USO1: variants seen among roughly 807,000 people sequenced by gnomAD.
USO1 encodes USO1 vesicle transport factor, also known as general vesicular transport factor p115.
In USO1, 57 loss-of-function variants were observed where a neutral mutation model predicts 124.5. The observed-to-expected ratio is 0.46, with a 90% CI of 0.37 to 0.57. The LOEUF (loss-of-function observed/expected upper bound fraction) is 0.57. Ranked by LOEUF, USO1 falls within the 20% of genes least tolerant of loss-of-function variation. The pLI, the probability that USO1 is intolerant of heterozygous loss-of-function variation, is 0.00. For synonymous variants in USO1, 369 were observed against 362.8 expected, an observed-to-expected ratio of 1.02 and a Z score of -0.19; for missense variants, 900 against 1,040.6, an observed-to-expected ratio of 0.86 and a Z score of 1.86.
At chr4:75,801,942 C>T (rs1186984155) in intron 17 of USO1, among the ~76,000 whole-genome samples, 1 of 152,230 alleles carries the variant, frequency 6.6e-6, no homozygotes. Flanking sequence ...GCCTCAGCCT[C>T]GCAAGTAGCT....
intron 1 of USO1, among the ~76,000 whole-genome samples, chr4:75,727,512 T>A (rs1353845415): frequency 2.0e-5 from 3 of 152,226 alleles, no homozygotes; most frequent in African/African-American, 7.2e-5. Flanking sequence ...AAAATTTGTT[T>A]CACTATTTCG....
chr4:75,807,365 G>T, intron 20 of USO1, among the ~76,000 whole-genome samples: 1 of 150,170 alleles, frequency 6.7e-6, no homozygotes, highest in Non-Finnish European at 1.5e-5. Flanking sequence ...TAAAAGAAAT[G>T]CATACTTTTT....
intron 1 of USO1, among the ~76,000 whole-genome samples, chr4:75,730,675 T>C (rs1428509297): frequency 6.6e-6 from 1 of 152,208 alleles, no homozygotes; most frequent in Non-Finnish European, 1.5e-5. Context: ...TATTTACCTT[T>C]TATTATTAAT....
chr4:75,737,542 A>G (rs962512751), intron 1 of USO1, among the ~76,000 whole-genome samples: 1 of 27,338 alleles, frequency 3.7e-5, no homozygotes, highest in African/African-American at 4.8e-4. Flanking sequence ...AAAAGATACA[A>G]ATTTGAGCTG....
chr4:75,749,233 G>A (rs1560439677), intron 1 of USO1, among the ~76,000 whole-genome samples: 2 of 151,944 alleles, frequency 1.3e-5, no homozygotes, highest in African/African-American at 4.8e-5. Flanking sequence ...GTGATCGTAG[G>A]GAATCTATTA....
rs192871915 is a variant in USO1, at chr4:75,777,703, G to A, written c.676+2907G>A. 1.4e-3 allele frequency among the ~76,000 whole-genome samples: 207 copies of A among 152,288 alleles called. 1 individual carries two copies. The highest frequency in any genetic ancestry group is 3.3e-3 in the South Asian group (16 of 4,828). On this transcript the variant is annotated intron_variant, in intron 8 of 23. Transcript: ENST00000514213. ...AACATTGACACCACCAAATGATGGC[G>A]AAGATGTGGAACAACAAAAACACAT...
At chr4:75,753,906 C>T (rs1471562095) in intron 3 of USO1, among the ~76,000 whole-genome samples, 5 of 151,142 alleles carry the variant, frequency 3.3e-5, no homozygotes, top group Non-Finnish European at 7.4e-5. Context: ...GCCTCAGCCT[C>T]CCAAGTAGCT....
chr4:75,730,606 T>C (rs899768119), intron 1 of USO1, among the ~76,000 whole-genome samples: 2 of 152,146 alleles, frequency 1.3e-5, no homozygotes, highest in Admixed American at 1.3e-4. Context: ...TAGGAAAGAA[T>C]ATTAGAATTC....
chr4:75,787,509 G>A (rs897883726), intron 10 of USO1, among the ~76,000 whole-genome samples: 4 of 151,938 alleles, frequency 2.6e-5, no homozygotes, highest in Non-Finnish European at 5.9e-5. Flanking sequence ...TTTATTTTGA[G>A]AACAAAGTGA....
In USO1 at chr4:75,803,110, AAAAG is replaced by A. The variant is rs1433853506; in HGVS notation, c.1987-1012_1987-1009del. The stretch of plus-strand genomic sequence containing the variant: ...CTCAAAAAAAAAAAAACCCAAGAAA[AAAAG>A]AAAGAAAGAAAAGAAAAAAAATGGA... On this transcript the variant is annotated intron_variant, in intron 17 of 23. Coordinates refer to ENST00000514213, the MANE Select transcript of USO1 (RefSeq NM_003715.4). Among the ~76,000 whole-genome samples the A allele has an allele frequency of 9.8e-4, 147 of 150,364 alleles. 1 individual carries two copies. Among genetic ancestry groups the A allele is most frequent in the African/African-American group, 3.4e-3 (141 of 41,234 alleles).
chr4:75,789,031 G>A (rs1461412823), intron 10 of USO1, among the ~76,000 whole-genome samples: 1 of 151,882 alleles, frequency 6.6e-6, no homozygotes, highest in Non-Finnish European at 1.5e-5. Flanking sequence ...GAAGTTTGAA[G>A]TTTGAAGCCA....
chr4:75,770,398 C>T, intron 4 of USO1, 41 bp from the exon 5 acceptor site: 1 of 1,473,764 alleles, frequency 6.8e-7, no homozygotes, highest in Non-Finnish European at 9.1e-7. Context: ...TTTAAAATAA[C>T]CTACTATTAA....
chr4:75,782,906 T>C (rs761792300), intron 9 of USO1, 48 bp downstream of exon 9: 1 of 1,507,150 alleles, frequency 6.6e-7, no homozygotes, highest in South Asian at 1.3e-5. Context: ...GACAGTGATC[T>C]TTTCAAAGAG....
At chr4:75,745,917 A>T (rs896662926) in intron 1 of USO1, among the ~76,000 whole-genome samples, 9 of 152,122 alleles carry the variant, frequency 5.9e-5, no homozygotes, top group African/African-American at 9.7e-5. Flanking sequence ...AAATAAAAAA[A>T]AAACGAAAAA....
intron 1 of USO1, among the ~76,000 whole-genome samples, chr4:75,726,225 G>T (rs1720447491): frequency 1.4e-5 from 2 of 146,964 alleles, no homozygotes; most frequent in Non-Finnish European, 3.0e-5. Context: ...AGGTTACGGT[G>T]AGCAGAGATC....
At chr4:75,811,578 C>T (rs1723153158) in intron 22 of USO1, among the ~76,000 whole-genome samples, 1 of 152,224 alleles carries the variant, frequency 6.6e-6, no homozygotes, top group East Asian at 1.9e-4. Context: ...ACATTAAATC[C>T]TGTCAGCATA....
At chr4:75,797,560 CA>C (rs34297170) in intron 13 of USO1, among the ~76,000 whole-genome samples, 14,976 of 111,430 alleles carry the variant, frequency 0.13, 1,255 homozygotes, top group African/African-American at 0.29. Flanking sequence ...GTTCCAGAAG[CA>C]AAAAAAAAAA....
rs183815492 is a variant in USO1 at position 75,726,634 on chromosome 4, A to T, written c.66+1749A>T. 1.2e-4 allele frequency among the ~76,000 whole-genome samples: 19 copies of T among 152,232 alleles called. No individual in the cohort carries two copies. In the East Asian group the frequency reaches 2.9e-3, roughly 23 times the overall value. ...TTAAAGCATAAGATGAAAGCCGGTAAATCTGTTTCTTTCATTTGAAAATCA... is the reference window on the plus strand; with the variant it reads ...TTAAAGCATAAGATGAAAGCCGGTATATCTGTTTCTTTCATTTGAAAATCA... On this transcript the variant is annotated intron_variant, in intron 1 of 23. Transcript: ENST00000514213.
chr4:75,786,341 G>A (rs1405502049), intron 9 of USO1, among the ~76,000 whole-genome samples: 2 of 151,858 alleles, frequency 1.3e-5, no homozygotes, highest in Non-Finnish European at 2.9e-5. Flanking sequence ...TTGTTAACAA[G>A]GTATTATCAT....
Sources: allele counts gnomAD v4.1 joint callset (sites outside exome capture counted in the v4.1 genomes callset), GRCh38; gene constraint gnomAD v4.1.1; transcripts MANE v1.5; gene names NCBI Gene and HGNC (gene_info 2026-07-23, HGNC 2026-07-21).